The following CEP43 variants were observed in gnomAD, a reference collection of about 807,000 sequenced individuals.
CEP43 encodes the protein centrosomal protein 43, also known as FGFR1 oncogene partner.
Under a neutral mutation model 52.6 loss-of-function variants are expected in CEP43, and 36 were observed. The ratio of observed to expected loss-of-function variants is 0.68; its 90% CI spans 0.52 to 0.90. The LOEUF is 0.90. Among genes scored for constraint, CEP43 ranks in the 40% least tolerant of loss-of-function variants. The pLI, the probability that CEP43 is intolerant of heterozygous loss-of-function variation, is 0.00. For synonymous variants in CEP43, 192 were observed against 172.4 expected (o/e 1.11, Z -0.89); for missense variants, 506 against 472.8 (o/e 1.07, Z -0.65).
In CEP43 at chr6:167,004,248, T is replaced by C. The variant is rs371234650; in HGVS notation, c.301-16T>C. The C allele has an allele frequency of 1.9e-6, 3 of 1,588,566 alleles. No individual in the cohort carries two copies. The highest frequency in any genetic ancestry group is 2.7e-5 in the African/African-American group (2 of 73,286). On this transcript the variant is annotated splice_polypyrimidine_tract_variant and intron_variant, in intron 4 of 12. Coordinates refer to ENST00000366847, the MANE Select transcript of CEP43 (RefSeq NM_007045.4). The stretch of plus-strand genomic sequence containing the variant: ...TGCTATTTTTTTGTGCACTTGTATT[T>C]TAACTTCTTTTCTAGCTGCAAGGTC...
At chr6:167,031,031 C>G (rs1267612141) in intron 10 of CEP43, among the ~76,000 whole-genome samples, 1 of 152,106 alleles carries the variant, frequency 6.6e-6, no homozygotes, top group Non-Finnish European at 1.5e-5. Flanking sequence ...GGCTTCCTTA[C>G]TGGTGGTTTT....
At chr6:167,006,266 C>T (rs928968737) in intron 5 of CEP43, among the ~76,000 whole-genome samples, 1 of 152,210 alleles carries the variant, frequency 6.6e-6, no homozygotes, top group African/African-American at 2.4e-5. Flanking sequence ...CCTGTAATCC[C>T]AGCACTTTGG....
chr6:167,028,126 G>A, intron 10 of CEP43: 6 of 985,696 alleles, frequency 6.1e-6, no homozygotes, highest in Non-Finnish European at 7.2e-6. Context: ...TCTGCACCGT[G>A]ATGGCCGCCT....
chr6:167,013,620 ACT>A lies in CEP43; in HGVS notation c.579+56_579+57del. ...AGCAGCCTGTGGGCATCAGGTCTCG[ACT>A]CTGGGGCCTCCTGGAGCGCTGGGCT... is the stretch of plus-strand genomic sequence containing the variant. On this transcript the variant is annotated intron_variant, in intron 7 of 12. Coordinates refer to ENST00000366847, the MANE Select transcript of CEP43 (RefSeq NM_007045.4). 2.8e-6 allele frequency: 4 copies of A among 1,440,118 alleles called. No homozygotes were observed. The East Asian group carries it at 9.1e-5, about 33-fold the overall frequency. 89.2% of individuals were successfully genotyped at this position (1,440,118 alleles called of 1,614,324 possible).
rs114495276 is a variant in CEP43, at chr6:167,001,526, A to G, written c.156+1413A>G. 4.7e-3 allele frequency among the ~76,000 whole-genome samples: 715 copies of G among 152,264 alleles called. 8 individuals carry two copies. The highest frequency in any genetic ancestry group is 0.016 in the African/African-American group (684 of 41,536). On this transcript the variant is annotated intron_variant, in intron 2 of 12. Coordinates refer to ENST00000366847, the MANE Select transcript of CEP43 (RefSeq NM_007045.4). ...CACAGTTGTCATTCTGTACTGTCTC[A>G]CAGACTGACCTTATTCATCCAGTAA...
chr6:167,028,966 A>G (rs568899272), intron 10 of CEP43, among the ~76,000 whole-genome samples: 1 of 152,364 alleles, frequency 6.6e-6, no homozygotes, highest in Non-Finnish European at 1.5e-5. Context: ...GGTACTTTGC[A>G]TATTTAAAGC....
chr6:167,015,366 T>G (rs1780071541), intron 7 of CEP43, among the ~76,000 whole-genome samples: 1 of 152,240 alleles, frequency 6.6e-6, no homozygotes, highest in Non-Finnish European at 1.5e-5. Context: ...AGCCCTTAGC[T>G]CTTTGTTCCC....
Position 167,047,870 on chromosome 6 carries a change from A to G in CEP43, c.*7892A>G, listed in dbSNP as rs914073171. 1 of 152,268 alleles carries G rather than the reference A, an allele frequency of 6.6e-6. No homozygotes were observed. Among genetic ancestry groups the G allele is most frequent in the Admixed American group, 6.5e-5 (1 of 15,310 alleles). 9.4% of individuals were successfully genotyped at this position (152,268 alleles called of 1,614,324 possible). On this transcript the variant is annotated 3_prime_UTR_variant, in exon 13 of 13. Coordinates refer to ENST00000366847, the MANE Select transcript of CEP43 (RefSeq NM_007045.4). ...AGAGGAACCTCACGGTGGATGCCGT[A>G]AGTGTTTACACTGAAAAGGATTTTC...
intron 7 of CEP43, 82 bp from the exon 8 acceptor site, chr6:167,022,327 T>C: frequency 1.1e-6 from 1 of 950,934 alleles, no homozygotes; most frequent in Non-Finnish European, 1.6e-6. Context: ...TTGATTATGC[T>C]CATGAGACTT....
intron 4 of CEP43, 68 bp from the exon 5 acceptor site, chr6:167,004,196 T>C: frequency 6.8e-7 from 1 of 1,467,272 alleles, no homozygotes; most frequent in Non-Finnish European, 9.2e-7. Flanking sequence ...TCTGAAAATA[T>C]CTTCTTTACT....
intron 7 of CEP43, among the ~76,000 whole-genome samples, chr6:167,017,551 A>G (rs1284585835): frequency 1.3e-5 from 2 of 149,364 alleles, no homozygotes; most frequent in African/African-American, 4.9e-5. Context: ...TATTTCTTTG[A>G]TATTTTTCCT....
rs1780783262 is a variant in CEP43, at chr6:167,045,658, C to T, written c.*5680C>T. On this transcript the variant is annotated 3_prime_UTR_variant, in exon 13 of 13. Coordinates refer to ENST00000366847, the MANE Select transcript of CEP43 (RefSeq NM_007045.4). ...GCTGAGGCAGGAGAATGGCGTGAAC[C>T]CAGGAGGCGGAGCTTGCAGTGAGCC... 1 of 152,164 alleles carries T rather than the reference C, an allele frequency of 6.6e-6. No individual in the cohort carries two copies. Among genetic ancestry groups the T allele is most frequent in the African/African-American group, 2.4e-5 (1 of 41,424 alleles). The allele number at this position is 152,164 out of a possible 1,614,324, so 9.4% of individuals were successfully genotyped here.
Position 167,000,077 on chromosome 6 carries a change from T to C in CEP43, c.120T>C (p.Ala40=). 6.2e-7 allele frequency: 1 copy of C among 1,612,978 alleles called. No homozygotes were observed. Among genetic ancestry groups the C allele is most frequent in the East Asian group, 2.2e-5 (1 of 44,842 alleles). Reference sequence around the variant, plus strand: ...TTTTTAAGGCTGAACTCCGAGCAGCTGTGTTTTTAGCACTAGAGGAGCAAG... The same window carrying C: ...TTTTTAAGGCTGAACTCCGAGCAGCCGTGTTTTTAGCACTAGAGGAGCAAG... The part of the protein sequence containing the change: ...LNRIKAELRA[A]VFLALEEQEK... Residue 40 remains alanine, a synonymous_variant, in exon 2 of 13, where the codon GCT becomes GCC. Transcript: ENST00000366847.
chr6:167,041,927 G>A lies in CEP43; in HGVS notation c.*1949G>A, dbSNP rs750447149. On this transcript the variant is annotated 3_prime_UTR_variant, in exon 13 of 13. Transcript: ENST00000366847. ...CAACCTCCGCCTCCTGGGTTCAAGC[G>A]ATTCTCCTGCTTCAGCCTCCTGAGT... 1.1e-4 allele frequency: 60 copies of A among 533,890 alleles called. No homozygotes were observed. Among genetic ancestry groups the A allele is most frequent in the East Asian group, 1.9e-4 (2 of 10,540 alleles). 33.1% of individuals were successfully genotyped at this position (533,890 alleles called of 1,614,324 possible). A position where few individuals can be genotyped will look rare whatever the true frequency, so the allele number is the denominator to read the frequency against.
At position 167,048,866 on chromosome 6, in the gene CEP43, A is replaced by C. The variant is rs939360038; in HGVS notation, c.*8888A>C. 6.6e-6 allele frequency: 1 copy of C among 152,226 alleles called. No individual in the cohort carries two copies. The highest frequency in any genetic ancestry group is 2.4e-5 in the African/African-American group (1 of 41,452). The allele number at this position is 152,226 out of a possible 1,614,324, so 9.4% of individuals were successfully genotyped here. ...AGTGTGAAATAGCCTCTAAACTCATATGTGGAAAAAGAACTTGAAAAAGGT... is the reference window on the plus strand; with the variant it reads ...AGTGTGAAATAGCCTCTAAACTCATCTGTGGAAAAAGAACTTGAAAAAGGT... On this transcript the variant is annotated 3_prime_UTR_variant, in exon 13 of 13. Coordinates refer to ENST00000366847, the MANE Select transcript of CEP43 (RefSeq NM_007045.4).
intron 12 of CEP43, among the ~76,000 whole-genome samples, chr6:167,037,266 A>G (rs927564666): frequency 3.3e-5 from 5 of 152,248 alleles, no homozygotes; most frequent in African/African-American, 4.8e-5. Flanking sequence ...ATGATCTCCA[A>G]TAACTGAATT....
Position 167,039,904 on chromosome 6 carries a change from C to T in CEP43, c.1126C>T (p.Leu376Phe). 6.2e-7 allele frequency: 1 copy of T among 1,613,254 alleles called. No homozygotes were observed. Among genetic ancestry groups the T allele is most frequent in the Non-Finnish European group, 8.5e-7 (1 of 1,179,410 alleles). The change falls in exon 13 of 13, where the codon CTT becomes TTT. Residue 376 changes from leucine (L) to phenylalanine (F), a missense_variant and splice_region_variant. Physicochemically the swap from Leu to Phe is conservative, Grantham distance 22 (BLOSUM62 0). Coordinates refer to ENST00000366847, the MANE Select transcript of CEP43 (RefSeq NM_007045.4). ...EIDDINTSDK[L>F]DDLTQDLTVS... Reference sequence around the variant, plus strand: ...ATTTTCTTTCTTTTGAACAACAAAGCTTGATGACCTCACACAAGATCTGAC... The same window carrying T: ...ATTTTCTTTCTTTTGAACAACAAAGTTTGATGACCTCACACAAGATCTGAC...
At position 167,052,604 on chromosome 6, in the gene CEP43, A is replaced by G. The variant is rs1780884534; in HGVS notation, c.*12626A>G. ...GATTTCAAAATGGCTCCACGTACTC[A>G]TAGTTTTCATGACAGACTTCATTGC... On this transcript the variant is annotated 3_prime_UTR_variant, in exon 13 of 13. Transcript: ENST00000366847. 6.6e-6 allele frequency: 1 copy of G among 152,222 alleles called. No homozygotes were observed. Among genetic ancestry groups the G allele is most frequent in the South Asian group, 2.1e-4 (1 of 4,834 alleles). The allele number at this position is 152,222 out of a possible 1,614,324, so 9.4% of individuals were successfully genotyped here.
intron 6 of CEP43, among the ~76,000 whole-genome samples, chr6:167,013,075 G>A (rs1371212967): frequency 1.3e-5 from 2 of 152,128 alleles, no homozygotes; most frequent in Non-Finnish European, 1.5e-5. Flanking sequence ...GAGGGCCCAC[G>A]GAGAATGCTA....
Sources: gnomAD v4.1 joint callset for allele counts (sites outside exome capture counted in the v4.1 genomes callset) on GRCh38, gnomAD v4.1.1 for gene constraint, MANE v1.5 for transcripts, NCBI Gene and HGNC (gene_info 2026-07-23, HGNC 2026-07-21) for gene names.